The following GALNT17 variants were observed in gnomAD, a reference collection of about 807,000 sequenced individuals.
GALNT17 encodes the protein UDP-GalNAc:polypeptide N-acetylgalactosaminyltransferase-like 3.
In GALNT17, 29 loss-of-function variants were observed where a neutral mutation model predicts 63.7. The ratio of observed to expected loss-of-function variants is 0.46; its 90% CI spans 0.34 to 0.62. The LOEUF is 0.62. Among genes scored for constraint, GALNT17 ranks in the 20% least tolerant of loss-of-function variants. The pLI is 0.01. For missense variants in GALNT17, 603 were observed against 799.6 expected, an observed-to-expected ratio of 0.75 and a Z score of 2.97; for synonymous variants, 305 against 318.3, an observed-to-expected ratio of 0.96 and a Z score of 0.45.
chr7:71,265,341 G>A (rs1364019615), intron 1 of GALNT17, among the ~76,000 whole-genome samples: 1 of 151,302 alleles, frequency 6.6e-6, no homozygotes, highest in African/African-American at 2.4e-5. Context: ...CGGCCAGGCT[G>A]CTCTCGAACT....
Position 71,675,383 on chromosome 7 carries a change from A to C in GALNT17, c.1405-1828A>C, listed in dbSNP as rs77426307. 1.1e-4 allele frequency among the ~76,000 whole-genome samples: 16 copies of C among 152,350 alleles called. No individual in the cohort carries two copies. In the East Asian group the frequency reaches 2.7e-3, roughly 26 times the overall value. ...TGATAGATTTGATTGCAGAAACATT[A>C]GAACAAAGTTTAAAAGCCTGGCAGC... is the stretch of plus-strand genomic sequence containing the variant. On this transcript the variant is annotated intron_variant, in intron 8 of 10. Coordinates refer to ENST00000333538, the MANE Select transcript of GALNT17 (RefSeq NM_022479.3).
At chr7:71,699,039 G>A (rs1791587138) in intron 9 of GALNT17, among the ~76,000 whole-genome samples, 1 of 151,926 alleles carries the variant, frequency 6.6e-6, no homozygotes, top group African/African-American at 2.4e-5. Context: ...GGGCATGGCA[G>A]CGTGTGCCTG....
intron 1 of GALNT17, among the ~76,000 whole-genome samples, chr7:71,138,793 G>A (rs1787833595): frequency 6.6e-6 from 1 of 152,114 alleles, no homozygotes; most frequent in Non-Finnish European, 1.5e-5. Context: ...GGCCAACATG[G>A]CGAAACCCTG....
At chr7:71,422,606 C>T (rs547297301) in intron 5 of GALNT17, among the ~76,000 whole-genome samples, 9 of 152,312 alleles carry the variant, frequency 5.9e-5, no homozygotes, top group South Asian at 2.1e-4. Context: ...GGGTAGGTTG[C>T]GGGGAGCATT....
chr7:71,318,576 C>T (rs964785102), intron 1 of GALNT17, among the ~76,000 whole-genome samples: 21 of 151,958 alleles, frequency 1.4e-4, no homozygotes, highest in Non-Finnish European at 2.6e-4. Context: ...TGCACCACCA[C>T]GCCCAGCTAA....
At chr7:71,224,778 C>T (rs1789651113) in intron 1 of GALNT17, among the ~76,000 whole-genome samples, 1 of 152,070 alleles carries the variant, frequency 6.6e-6, no homozygotes, top group South Asian at 2.1e-4. Flanking sequence ...CTATGAGAGC[C>T]CCAGGTGGAG....
At chr7:71,685,981 G>C in intron 9 of GALNT17, among the ~76,000 whole-genome samples, 1 of 102,784 alleles carries the variant, frequency 9.7e-6, no homozygotes, top group South Asian at 3.5e-4. Context: ...TTGAGACAGA[G>C]TCTCACTCTG....
At chr7:71,444,018 C>T (rs571842262) in intron 5 of GALNT17, among the ~76,000 whole-genome samples, 2 of 152,284 alleles carry the variant, frequency 1.3e-5, no homozygotes, top group East Asian at 1.9e-4. Flanking sequence ...TGAGGCACCC[C>T]GCTCGGCCTG....
At chr7:71,458,696 G>C (rs1787397487) in intron 5 of GALNT17, among the ~76,000 whole-genome samples, 1 of 152,164 alleles carries the variant, frequency 6.6e-6, no homozygotes, top group East Asian at 1.9e-4. Context: ...GTGGAAAGGT[G>C]ATGGAGTGGG....
chr7:71,175,155 TCTTTCTTC>T (rs1562886614), intron 1 of GALNT17, among the ~76,000 whole-genome samples: 1 of 145,116 alleles, frequency 6.9e-6, no homozygotes, highest in African/African-American at 2.8e-5. Flanking sequence ...CATTCTTCTT[TCTTTCTTC>T]CTTTCTTCCT....
At chr7:71,661,610 G>A (rs1367335795) in intron 6 of GALNT17, among the ~76,000 whole-genome samples, 1 of 152,172 alleles carries the variant, frequency 6.6e-6, no homozygotes, top group African/African-American at 2.4e-5. Context: ...GCAGGATAAT[G>A]ACCACAGTGC....
intron 5 of GALNT17, among the ~76,000 whole-genome samples, chr7:71,495,758 CT>C (rs1788084132): frequency 6.6e-6 from 1 of 152,160 alleles, no homozygotes; most frequent in Non-Finnish European, 1.5e-5. Flanking sequence ...GTAATAATGC[CT>C]TTCCTACATA....
chr7:71,552,499 G>T (rs1439707624), intron 5 of GALNT17, among the ~76,000 whole-genome samples: 2 of 150,916 alleles, frequency 1.3e-5, no homozygotes, highest in East Asian at 3.9e-4. Flanking sequence ...GGAGTGCAGT[G>T]GTGTAATCTC....
chr7:71,689,246 G>A (rs1207173852), intron 9 of GALNT17, among the ~76,000 whole-genome samples: 2 of 152,000 alleles, frequency 1.3e-5, no homozygotes, highest in Non-Finnish European at 1.5e-5. Flanking sequence ...CCCTATAATG[G>A]CCTCTAAAAG....
At chr7:71,581,946 C>G (rs1014302585) in intron 6 of GALNT17, among the ~76,000 whole-genome samples, 2 of 152,104 alleles carry the variant, frequency 1.3e-5, no homozygotes, top group African/African-American at 4.8e-5. Context: ...TGCAAGGCCA[C>G]AGTGCTTAGG....
intron 1 of GALNT17, among the ~76,000 whole-genome samples, chr7:71,311,905 G>A (rs181585987): frequency 5.3e-5 from 8 of 152,254 alleles, no homozygotes; most frequent in African/African-American, 1.7e-4. Flanking sequence ...TGCTTCTGAG[G>A]TAGGAGGTAG....
chr7:71,511,791 A>G (rs1200549699), intron 5 of GALNT17, among the ~76,000 whole-genome samples: 1 of 151,992 alleles, frequency 6.6e-6, no homozygotes, highest in African/African-American at 2.4e-5. Context: ...ATCACCCACA[A>G]CAGACATCTC....
At chr7:71,511,813 C>T (rs1048589098) in intron 5 of GALNT17, among the ~76,000 whole-genome samples, 3 of 152,078 alleles carry the variant, frequency 2.0e-5, no homozygotes, top group Admixed American at 2.0e-4. Flanking sequence ...GATGCTGTTG[C>T]TTGGATTGCC....
At chr7:71,661,722 C>T (rs1790910179) in intron 6 of GALNT17, among the ~76,000 whole-genome samples, 1 of 152,192 alleles carries the variant, frequency 6.6e-6, no homozygotes, top group African/African-American at 2.4e-5. Flanking sequence ...GACCCCACAG[C>T]AGGGCATACC....
Sources: gnomAD v4.1 joint callset for allele counts (sites outside exome capture counted in the v4.1 genomes callset) on GRCh38, gnomAD v4.1.1 for gene constraint, MANE v1.5 for transcripts, NCBI Gene and HGNC (gene_info 2026-07-23, HGNC 2026-07-21) for gene names.